The following BNC2 variants were observed in gnomAD, a reference collection of about 807,000 sequenced individuals.
The protein encoded by BNC2 is basonuclin zinc finger protein 2.
In BNC2, 20 loss-of-function variants were observed where a neutral mutation model predicts 76.3. The ratio of observed to expected loss-of-function variants is 0.26; its 90% confidence interval spans 0.18 to 0.38. BNC2 has a LOEUF of 0.38. Among genes scored for constraint, BNC2 ranks in the 10% least tolerant of loss-of-function variants. The probability of loss-of-function intolerance (pLI) is 1.00; values close to 1 mark genes in which losing one functional copy is unlikely to be tolerated. For missense variants in BNC2, 1,382 were observed against 1,399.8 expected, an observed-to-expected ratio of 0.99 and a Z score of 0.20; for synonymous variants, 582 against 514.8, an observed-to-expected ratio of 1.13 and a Z score of -1.77.
At chr9:16,611,609 A>G (rs1269906181) in intron 3 of BNC2, among the ~76,000 whole-genome samples, 3 of 152,122 alleles carry the variant, frequency 2.0e-5, no homozygotes, top group African/African-American at 7.2e-5. Flanking sequence ...AACAACAACA[A>G]AAAAATTCAA....
At chr9:16,799,156 C>G (rs1817725520) in intron 1 of BNC2, among the ~76,000 whole-genome samples, 1 of 151,912 alleles carries the variant, frequency 6.6e-6, no homozygotes, top group African/African-American at 2.4e-5. Context: ...TACACTCTAG[C>G]TGTAGAAAAT....
intron 6 of BNC2, among the ~76,000 whole-genome samples, chr9:16,426,272 T>C (rs1563777377): frequency 6.6e-6 from 1 of 152,064 alleles, no homozygotes; most frequent in Admixed American, 6.6e-5. Context: ...TTAGAAGATA[T>C]ATTTCCAAAA....
At chr9:16,804,239 GA>G in intron 1 of BNC2, among the ~76,000 whole-genome samples, 1 of 152,320 alleles carries the variant, frequency 6.6e-6, no homozygotes, top group South Asian at 2.1e-4. Context: ...AATGCACAAT[GA>G]TTAAACACTC....
rs1035933714 is a variant in BNC2 at position 16,424,180 on chromosome 9, C to T, written c.2640-4531G>A. Reference sequence around the variant, plus strand: ...GTTAGATTTAATGTGATGTCTGGCCCATAAAACTAAAAACAAAAACACTAT... The same window carrying T: ...GTTAGATTTAATGTGATGTCTGGCCTATAAAACTAAAAACAAAAACACTAT... On this transcript the variant is annotated intron_variant, in intron 6 of 6. Coordinates refer to ENST00000380672, the MANE Select transcript of BNC2 (RefSeq NM_017637.6). Among the ~76,000 whole-genome samples, 17 of 150,810 alleles carry T rather than the reference C, an allele frequency of 1.1e-4. 1 individual carries two copies. Among genetic ancestry groups the T allele is most frequent in the Non-Finnish European group, 4.4e-5 (3 of 67,804 alleles).
intron 1 of BNC2, among the ~76,000 whole-genome samples, chr9:16,853,527 C>CCAACACCTCCCCTCACTTTATTTT (rs1415066645): frequency 6.6e-6 from 1 of 152,030 alleles, no homozygotes; most frequent in African/African-American, 2.4e-5. Context: ...TCCATTCTCT[C>CCAACACCTCCCCTCACTTTATTTT]CAACACCTCC....
chr9:16,758,706 T>C (rs1019930613), intron 1 of BNC2, among the ~76,000 whole-genome samples: 2 of 152,164 alleles, frequency 1.3e-5, no homozygotes, highest in Non-Finnish European at 2.9e-5. Context: ...CATTATTCTA[T>C]TGACCGCACA....
chr9:16,483,670 C>G (rs578086759), intron 5 of BNC2, among the ~76,000 whole-genome samples: 1 of 152,284 alleles, frequency 6.6e-6, no homozygotes, highest in East Asian at 1.9e-4. Flanking sequence ...TGCTTTAACT[C>G]AAATCCAAGC....
At chr9:16,446,952 A>G (rs1163736688) in intron 5 of BNC2, among the ~76,000 whole-genome samples, 1 of 152,146 alleles carries the variant, frequency 6.6e-6, no homozygotes, top group Non-Finnish European at 1.5e-5. Context: ...TAAATAAAGC[A>G]GGTGCCTTGC....
rs539443409 is a variant in BNC2 at position 16,429,646 on chromosome 9, T to C, written c.2639+5909A>G. On this transcript the variant is annotated intron_variant, in intron 6 of 6. Transcript: ENST00000380672. The stretch of plus-strand genomic sequence containing the variant: ...TTTATAAGGAAGGTAAAAATAAGAG[T>C]TATATAGAAGCATTGTATTTGTGCA... The C allele has an allele frequency of 1.7e-5, 4 of 233,084 alleles. No homozygotes were observed. The South Asian group carries it at 1.8e-4, about 10-fold the overall frequency. The allele number at this position is 233,084 out of a possible 1,614,324, so 14.4% of individuals were successfully genotyped here. A position where few individuals can be genotyped will look rare whatever the true frequency, so the allele number is the denominator to read the frequency against.
At chr9:16,862,940 A>G (rs889432556) in intron 1 of BNC2, among the ~76,000 whole-genome samples, 8 of 147,794 alleles carry the variant, frequency 5.4e-5, no homozygotes, top group African/African-American at 2.0e-4. Flanking sequence ...TTTGAGACAA[A>G]GTCTTGCTCT....
At chr9:16,672,269 G>A (rs187119747) in intron 3 of BNC2, among the ~76,000 whole-genome samples, 4 of 152,260 alleles carry the variant, frequency 2.6e-5, no homozygotes, top group Admixed American at 6.5e-5. Context: ...AGGCCGAGGC[G>A]GGCGGATCAC....
At position 16,435,537 on chromosome 9, in the gene BNC2, C is replaced by T; in HGVS notation, c.2639+18G>A. ...ACCCTCCACCCCCAGCAGGAGCAGC[C>T]AATGGAGATTTACTGACCTGTCTCG... On this transcript the variant is annotated intron_variant, in intron 6 of 6. Coordinates refer to ENST00000380672, the MANE Select transcript of BNC2 (RefSeq NM_017637.6). 6.2e-7 allele frequency: 1 copy of T among 1,613,020 alleles called. No homozygotes were observed. Among genetic ancestry groups the T allele is most frequent in the Non-Finnish European group, 8.5e-7 (1 of 1,179,898 alleles).
chr9:16,543,547 C>T (rs918204657), intron 5 of BNC2, among the ~76,000 whole-genome samples: 19 of 152,168 alleles, frequency 1.2e-4, no homozygotes, highest in Admixed American at 7.9e-4. Flanking sequence ...GTCCCACAGG[C>T]GCAAATCCTA....
intron 1 of BNC2, among the ~76,000 whole-genome samples, chr9:16,855,965 T>C (rs1819245419): frequency 2.0e-5 from 3 of 152,170 alleles, no homozygotes; most frequent in South Asian, 4.1e-4. Context: ...TGCTAGCAGA[T>C]TTATTACCTT....
chr9:16,689,255 A>C (rs542732901), intron 3 of BNC2, among the ~76,000 whole-genome samples: 1 of 152,182 alleles, frequency 6.6e-6, no homozygotes, highest in African/African-American at 2.4e-5. Context: ...GCTACCGTTG[A>C]AAATATTTGA....
intron 1 of BNC2, among the ~76,000 whole-genome samples, chr9:16,807,142 G>T (rs375878243): frequency 1.3e-5 from 2 of 152,084 alleles, no homozygotes; most frequent in African/African-American, 2.4e-5. Flanking sequence ...GTGTTTTTAA[G>T]TTTTAGTATC....
At chr9:16,852,931 C>T (rs1324746185) in intron 1 of BNC2, among the ~76,000 whole-genome samples, 2 of 152,114 alleles carry the variant, frequency 1.3e-5, no homozygotes, top group Admixed American at 6.5e-5. Flanking sequence ...CAGGAAACGG[C>T]GTCAGAGTTG....
chr9:16,647,730 C>T (rs1032721744), intron 3 of BNC2, among the ~76,000 whole-genome samples: 1 of 151,950 alleles, frequency 6.6e-6, no homozygotes, highest in Admixed American at 6.6e-5. Flanking sequence ...TATGTGTATT[C>T]CCATCAATTT....
rs754687633 is a variant in BNC2, at chr9:16,437,330, G to A, written c.864C>T (p.Ser288=). ...TDSDIRTFIE[S]NNRTRSPSLL... ...GGCTGGGACTCCTGGTGCGATTATTGCTCTCAATGAAAGTCCTTATATCTG... is the reference window on the plus strand; with the variant it reads ...GGCTGGGACTCCTGGTGCGATTATTACTCTCAATGAAAGTCCTTATATCTG... The change falls in exon 6 of 7, where the codon AGC becomes AGT. Residue 288 remains serine, a synonymous_variant. Transcript: ENST00000380672. 1 of 1,614,138 alleles carries A rather than the reference G, an allele frequency of 6.2e-7. No homozygotes were observed. Among genetic ancestry groups the A allele is most frequent in the South Asian group, 1.1e-5 (1 of 91,076 alleles).
Sources: gnomAD v4.1 joint callset for allele counts (sites outside exome capture counted in the v4.1 genomes callset) on GRCh38, gnomAD v4.1.1 for gene constraint, MANE v1.5 for transcripts, NCBI Gene and HGNC (gene_info 2026-07-23, HGNC 2026-07-21) for gene names.